Variants in MEMO1 observed in about 807,000 individuals in gnomAD.
MEMO1 encodes the protein mediator of cell motility 1.
A neutral mutation model predicts 45.2 loss-of-function variants in MEMO1; 6 were observed. The ratio of observed to expected loss-of-function variants is 0.13; its 90% confidence interval spans 0.07 to 0.26. The LOEUF (loss-of-function observed/expected upper bound fraction) is 0.26, where lower values mean the gene tolerates loss of function less well. Ranked by LOEUF, MEMO1 falls within the 10% of genes least tolerant of loss-of-function variation. MEMO1 has a pLI of 1.00. For missense variants in MEMO1, 184 were observed against 370.5 expected (o/e 0.50, Z 4.13); for synonymous variants, 78 against 124.3 (o/e 0.63, Z 2.48).
chr2:31,971,242 A>T (rs1572854801), intron 2 of MEMO1, among the ~76,000 whole-genome samples: 1 of 152,088 alleles, frequency 6.6e-6, no homozygotes, highest in East Asian at 1.9e-4. Context: ...ACCCAGAAAA[A>T]TGTAAGCATA....
chr2:31,984,419 C>A (rs1291508313), intron 2 of MEMO1, among the ~76,000 whole-genome samples: 1 of 152,080 alleles, frequency 6.6e-6, no homozygotes, highest in East Asian at 1.9e-4. Flanking sequence ...TCATGAAAAA[C>A]AAAGAAAAAT....
At chr2:31,974,914 T>G (rs1320470807) in intron 2 of MEMO1, among the ~76,000 whole-genome samples, 2 of 152,154 alleles carry the variant, frequency 1.3e-5, no homozygotes, top group Non-Finnish European at 2.9e-5. Flanking sequence ...CTCATGCCTG[T>G]AATCCCTGCA....
At chr2:31,979,907 T>C (rs1464739558) in intron 2 of MEMO1, among the ~76,000 whole-genome samples, 1 of 151,722 alleles carries the variant, frequency 6.6e-6, no homozygotes, top group Non-Finnish European at 1.5e-5. Flanking sequence ...TAGTAAATAA[T>C]TATTGACTGA....
chr2:31,872,101 AT>A (rs1383661068), intron 8 of MEMO1, among the ~76,000 whole-genome samples: 1 of 152,094 alleles, frequency 6.6e-6, no homozygotes, highest in African/African-American at 2.4e-5. Context: ...ATTACAGTAC[AT>A]TTCTAACCCA....
intron 6 of MEMO1, among the ~76,000 whole-genome samples, chr2:31,910,844 A>C (rs1377191660): frequency 2.6e-5 from 4 of 152,160 alleles, no homozygotes; most frequent in Non-Finnish European, 5.9e-5. Flanking sequence ...CCTAAATAAG[A>C]GTAAGAGCCC....
chr2:31,957,205 A>T (rs989871372), intron 2 of MEMO1, among the ~76,000 whole-genome samples: 1 of 151,960 alleles, frequency 6.6e-6, no homozygotes, highest in Non-Finnish European at 1.5e-5. Context: ...ACAAAGAGAG[A>T]CACTTTGCTT....
intron 6 of MEMO1, among the ~76,000 whole-genome samples, chr2:31,913,918 T>A (rs1681019563): frequency 6.6e-6 from 1 of 152,126 alleles, no homozygotes; most frequent in South Asian, 2.1e-4. Flanking sequence ...TATGATGCGG[T>A]TTGACCAGTA....
At chr2:31,936,955 T>A (rs140939306) in intron 3 of MEMO1, among the ~76,000 whole-genome samples, 1 of 152,100 alleles carries the variant, frequency 6.6e-6, no homozygotes. Flanking sequence ...CCTCCAACAA[T>A]AGGAAAAGTC....
intron 2 of MEMO1, among the ~76,000 whole-genome samples, chr2:31,998,090 C>T (rs1356686689): frequency 1.3e-5 from 2 of 152,210 alleles, no homozygotes; most frequent in African/African-American, 4.8e-5. Context: ...CAGCTCACTG[C>T]AGCCTCAACC....
chr2:31,922,343 G>GAA lies in MEMO1; in HGVS notation c.213-1435_213-1434dup, dbSNP rs748280495. ...TGTGGATATTAAGTTGTTCTGCTAT[G>GAA]AAAAAAAAAAAAAAAAGAAAGTTGT... On this transcript the variant is annotated intron_variant, in intron 4 of 9. Coordinates refer to ENST00000404530, the MANE Select transcript of MEMO1 (RefSeq NM_001301833.4). Among the ~76,000 whole-genome samples the GAA allele has an allele frequency of 8.6e-3, 1,017 of 118,680 alleles. 16 individuals carry two copies. Among genetic ancestry groups the GAA allele is most frequent in the African/African-American group, 0.029 (950 of 32,570 alleles). 77.9% of individuals were successfully genotyped at this position (118,680 alleles called of 152,430 possible).
chr2:31,998,994 A>C (rs1672943356), intron 2 of MEMO1, among the ~76,000 whole-genome samples: 1 of 152,184 alleles, frequency 6.6e-6, no homozygotes, highest in South Asian at 2.1e-4. Context: ...TCCCTATCTC[A>C]GTATAATAGC....
At chr2:31,879,122 A>G (rs1674986605) in intron 8 of MEMO1, among the ~76,000 whole-genome samples, 1 of 152,184 alleles carries the variant, frequency 6.6e-6, no homozygotes, top group African/African-American at 2.4e-5. Flanking sequence ...CCTTTCTGTC[A>G]TACTCAAACT....
chr2:31,870,639 C>T (rs1673570176), intron 8 of MEMO1, among the ~76,000 whole-genome samples: 1 of 152,090 alleles, frequency 6.6e-6, no homozygotes, highest in South Asian at 2.1e-4. Flanking sequence ...TGCAGTGGTG[C>T]GATCTCAGCT....
intron 2 of MEMO1, among the ~76,000 whole-genome samples, chr2:31,977,380 T>G (rs987323581): frequency 9.9e-5 from 15 of 152,182 alleles, no homozygotes; most frequent in African/African-American, 3.6e-4. Flanking sequence ...ACTGTATAGT[T>G]TAAGCAACAT....
intron 2 of MEMO1, among the ~76,000 whole-genome samples, chr2:31,984,784 C>T (rs1671073941): frequency 4.0e-5 from 6 of 151,554 alleles, no homozygotes; most frequent in African/African-American, 9.7e-5. Flanking sequence ...CCAGCCTGGG[C>T]GACAGAGCGA....
Position 31,886,882 on chromosome 2 carries a change from T to C in MEMO1, c.581-3420A>G, listed in dbSNP as rs142874057. 5.8e-3 allele frequency among the ~76,000 whole-genome samples: 881 copies of C among 152,268 alleles called. 13 individuals carry two copies. The highest frequency in any genetic ancestry group is 0.02 in the African/African-American group (821 of 41,566). On this transcript the variant is annotated intron_variant, in intron 7 of 9. Coordinates refer to ENST00000404530, the MANE Select transcript of MEMO1 (RefSeq NM_001301833.4). ...ATGAGCTTTCTAGCTTTAAGAGCCA[T>C]TGACACTGCCCCTAGGGGCAGCACA... is the stretch of plus-strand genomic sequence containing the variant.
At chr2:31,978,079 T>G (rs1558549197) in intron 2 of MEMO1, among the ~76,000 whole-genome samples, 1 of 152,138 alleles carries the variant, frequency 6.6e-6, no homozygotes, top group South Asian at 2.1e-4. Context: ...TTTCTTCATA[T>G]GACCGCTGTA....
At position 31,868,040 on chromosome 2, in the gene MEMO1, GTGCAAATTTAGGA is replaced by G. The variant is rs1673112530; in HGVS notation, c.*308_*320del. The G allele has an allele frequency of 5.7e-6, 1 of 176,264 alleles. No individual in the cohort carries two copies. The highest frequency in any genetic ancestry group is 2.4e-5 in the African/African-American group (1 of 42,466). The allele number at this position is 176,264 out of a possible 1,614,324, so 10.9% of individuals were successfully genotyped here. A position where few individuals can be genotyped will look rare whatever the true frequency, so the allele number is the denominator to read the frequency against. Reference sequence around the variant, plus strand: ...ATATATGTGCACAAGTCTGCAAAGAGTGCAAATTTAGGATATGGTAAATGCTTTACAAGTTACT... The same window carrying G: ...ATATATGTGCACAAGTCTGCAAAGAGTATGGTAAATGCTTTACAAGTTACT... On this transcript the variant is annotated 3_prime_UTR_variant, in exon 10 of 10. Transcript: ENST00000404530.
intron 2 of MEMO1, among the ~76,000 whole-genome samples, chr2:32,007,223 T>A (rs912172671): frequency 6.6e-6 from 1 of 152,156 alleles, no homozygotes; most frequent in African/African-American, 2.4e-5. Flanking sequence ...TACATTTACC[T>A]GCCTCTGTAT....
Sources: allele counts gnomAD v4.1 joint callset (sites outside exome capture counted in the v4.1 genomes callset), GRCh38; gene constraint gnomAD v4.1.1; transcripts MANE v1.5; gene names NCBI Gene and HGNC (gene_info 2026-07-23, HGNC 2026-07-21).